Variants in TRPM1 observed in about 807,000 individuals in gnomAD.
The protein encoded by TRPM1 is TRPM1-203 APA Isoform, Intron 10.
TRPM1 carries 113 observed loss-of-function variants against 149.4 expected under a neutral mutation model. The ratio of observed to expected loss-of-function variants is 0.76; its 90% CI spans 0.65 to 0.88. TRPM1 has a LOEUF of 0.88. Ranked by LOEUF, TRPM1 falls within the 40% of genes least tolerant of loss-of-function variation. The probability of loss-of-function intolerance (pLI) is 0.00; values close to 1 mark genes in which losing one functional copy is unlikely to be tolerated. For synonymous variants in TRPM1, 741 were observed against 759.5 expected, an observed-to-expected ratio of 0.98 and a Z score of 0.40; for missense variants, 1,976 against 2,038.7, an observed-to-expected ratio of 0.97 and a Z score of 0.59.
chr15:31,131,988 G>C (rs544772281), intron 1 of TRPM1, among the ~76,000 whole-genome samples: 1 of 152,316 alleles, frequency 6.6e-6, no homozygotes, highest in Non-Finnish European at 1.5e-5. Flanking sequence ...AGGCTTAGCC[G>C]CTGGGCCTGC....
intron 3 of TRPM1, among the ~76,000 whole-genome samples, chr15:31,076,567 T>C (rs929371337): frequency 5.3e-5 from 8 of 152,208 alleles, no homozygotes; most frequent in East Asian, 1.9e-4. Flanking sequence ...TTCATCTAAA[T>C]ACATTATGAA....
chr15:31,087,378 T>C (rs1358854205), intron 1 of TRPM1, among the ~76,000 whole-genome samples: 1 of 151,234 alleles, frequency 6.6e-6, no homozygotes, highest in Non-Finnish European at 1.5e-5. Context: ...CATGTAGTCC[T>C]GTAGCTAGGA....
intron 3 of TRPM1, 57 bp from the exon 4 acceptor site, chr15:31,070,283 T>C (rs1185602331): frequency 6.5e-7 from 1 of 1,544,962 alleles, no homozygotes; most frequent in Non-Finnish European, 8.9e-7. Flanking sequence ...TTCCCCTTCA[T>C]TAGCAAAAAT....
Position 31,050,569 on chromosome 15 carries a change from A to C in TRPM1, c.1277T>G (p.Leu426Arg), listed in dbSNP as rs1261922170. 1.2e-6 allele frequency: 2 copies of C among 1,613,884 alleles called. No homozygotes were observed. The highest frequency in any genetic ancestry group is 1.7e-6 in the Non-Finnish European group (2 of 1,179,996). ...FGPHWPPLGS[L>R]APPTDSKATE... is the part of the protein sequence containing the mutation. ...GGCTTTGCTGTCCGTCGGGGGTGCC[A>C]GGCTTCCCAGGGGCTGCAGTCCACA... Residue 426 changes from leucine to arginine, a missense_variant, in exon 12 of 28, where the codon CTG becomes CGG. By Grantham distance (102) the Leu-to-Arg change is moderately radical. This residue lies in a region of TRPM1 where 1,332 missense variants were observed against 1,347.1 expected (regional missense o/e 0.99). Coordinates refer to ENST00000256552, the MANE Select transcript of TRPM1 (RefSeq NM_001252024.2).
At chr15:31,160,472 C>T (rs573248461) in intron 1 of TRPM1, among the ~76,000 whole-genome samples, 18 of 152,172 alleles carry the variant, frequency 1.2e-4, no homozygotes, top group Non-Finnish European at 2.4e-4. Context: ...AGGCCCAAGC[C>T]TGAGTCATCC....
intron 1 of TRPM1, among the ~76,000 whole-genome samples, chr15:31,129,084 C>T (rs561635052): frequency 6.6e-6 from 1 of 152,344 alleles, no homozygotes; most frequent in East Asian, 1.9e-4. Context: ...GGCTCAGTCA[C>T]AGAGAATGGC....
chr15:31,073,500 A>G (rs1311415552), intron 3 of TRPM1, among the ~76,000 whole-genome samples: 2 of 152,054 alleles, frequency 1.3e-5, no homozygotes, highest in South Asian at 2.1e-4. Flanking sequence ...TTTCATTTCC[A>G]TATAGTTCAT....
At chr15:31,160,440 C>T (rs1400253538) in intron 1 of TRPM1, among the ~76,000 whole-genome samples, 3 of 152,178 alleles carry the variant, frequency 2.0e-5, no homozygotes, top group African/African-American at 7.2e-5. Context: ...TTTCCTCTGC[C>T]AGACCCCATC....
At chr15:31,076,880 G>A in intron 3 of TRPM1, 25 bp downstream of exon 3, 2 of 1,517,514 alleles carry the variant, frequency 1.3e-6, no homozygotes, top group Non-Finnish European at 1.8e-6. Flanking sequence ...TTTGGATAAT[G>A]TCTTAATCGT....
intron 1 of TRPM1, among the ~76,000 whole-genome samples, chr15:31,083,200 G>A (rs2140986602): frequency 6.6e-6 from 1 of 152,306 alleles, no homozygotes; most frequent in Admixed American, 6.5e-5. Context: ...ACCCCGCAAT[G>A]AAATGAATGA....
intron 1 of TRPM1, among the ~76,000 whole-genome samples, chr15:31,127,039 T>C (rs2035960394): frequency 6.6e-6 from 1 of 152,198 alleles, no homozygotes; most frequent in Admixed American, 6.5e-5. Flanking sequence ...TAGAAGTTAA[T>C]GGAAAGGGTG....
At chr15:31,038,666 C>T (rs374733917) in intron 18 of TRPM1, among the ~76,000 whole-genome samples, 90 of 152,222 alleles carry the variant, frequency 5.9e-4, no homozygotes, top group African/African-American at 1.7e-3. Context: ...GAGGCGAGAT[C>T]GCGCCACTGC....
chr15:31,127,395 C>T (rs1425940597), intron 1 of TRPM1, among the ~76,000 whole-genome samples: 1 of 152,214 alleles, frequency 6.6e-6, no homozygotes, highest in Non-Finnish European at 1.5e-5. Flanking sequence ...TGAGTTTCCG[C>T]AGAAGGCAGA....
intron 27 of TRPM1, among the ~76,000 whole-genome samples, chr15:31,011,335 C>CT (rs758094308): frequency 1.5e-4 from 22 of 151,084 alleles, no homozygotes; most frequent in African/African-American, 1.9e-4. Context: ...TATGTTATGT[C>CT]TTTTTTTTTG....
intron 7 of TRPM1, among the ~76,000 whole-genome samples, chr15:31,064,707 C>T (rs906853425): frequency 6.6e-6 from 1 of 152,128 alleles, no homozygotes; most frequent in Non-Finnish European, 1.5e-5. Context: ...TTCAAATGAG[C>T]CATTTCAGAG....
At chr15:31,078,979 C>T (rs2034785603) in intron 2 of TRPM1, among the ~76,000 whole-genome samples, 1 of 152,154 alleles carries the variant, frequency 6.6e-6, no homozygotes, top group Admixed American at 6.5e-5. Context: ...TAATACATTG[C>T]AGATGATTGG....
intron 1 of TRPM1, among the ~76,000 whole-genome samples, chr15:31,158,363 C>T (rs968196432): frequency 1.3e-5 from 2 of 151,948 alleles, no homozygotes; most frequent in Non-Finnish European, 2.9e-5. Context: ...CTCGGTGGCT[C>T]ACGCCTGTAA....
At chr15:31,101,499 T>A (rs1596072761) in intron 1 of TRPM1, among the ~76,000 whole-genome samples, 158 bp downstream of exon 1, 1 of 151,868 alleles carries the variant, frequency 6.6e-6, no homozygotes. Context: ...TGCTCTTACT[T>A]GCACCTGAGC....
chr15:31,070,270 C>T lies in TRPM1; in HGVS notation c.84-44G>A, dbSNP rs775871333. 5 of 1,574,152 alleles carry T rather than the reference C, an allele frequency of 3.2e-6. No individual in the cohort carries two copies. In the South Asian group the frequency reaches 4.4e-5, roughly 14 times the overall value. On this transcript the variant is annotated intron_variant, in intron 3 of 27. Coordinates refer to ENST00000256552, the MANE Select transcript of TRPM1 (RefSeq NM_001252024.2). ...CAGGGTCTTTCTACAACAATCTCCC[C>T]CTTTCCCCTTCATTAGCAAAAATGA...
Sources: gnomAD v4.1 joint callset for allele counts (sites outside exome capture counted in the v4.1 genomes callset) on GRCh38, gnomAD v4.1.1 for gene constraint, gnomAD v4.1.1 regional missense constraint, MANE v1.5 for transcripts, NCBI Gene and HGNC (gene_info 2026-07-23, HGNC 2026-07-21) for gene names.